RASAL2: variants seen among roughly 807,000 people sequenced by gnomAD.
RASAL2 encodes ras GTPase-activating protein nGAP.
RASAL2 carries 58 observed loss-of-function variants against 128.9 expected under a neutral mutation model. The observed-to-expected ratio is 0.45, with a 90% CI of 0.36 to 0.56. RASAL2 has a LOEUF of 0.56. Ranked by LOEUF, RASAL2 falls within the 20% of genes least tolerant of loss-of-function variation. The pLI, the probability that RASAL2 is intolerant of heterozygous loss-of-function variation, is 0.00. For synonymous variants in RASAL2, 561 were observed against 580.8 expected (o/e 0.97, Z 0.49); for missense variants, 1,360 against 1,601.6 (o/e 0.85, Z 2.57).
chr1:178,251,942 C>CT (rs1665073727), intron 1 of RASAL2, among the ~76,000 whole-genome samples: 1 of 152,102 alleles, frequency 6.6e-6, no homozygotes, highest in Non-Finnish European at 1.5e-5. Context: ...ATATAAGTCT[C>CT]TAAGTGTCAG....
chr1:178,168,887 A>G (rs1363786221), intron 1 of RASAL2, among the ~76,000 whole-genome samples: 1 of 152,042 alleles, frequency 6.6e-6, no homozygotes, highest in Non-Finnish European at 1.5e-5. Context: ...ATGTTTTTGA[A>G]CATATTTGAT....
intron 4 of RASAL2, among the ~76,000 whole-genome samples, chr1:178,394,634 G>A (rs188549313): frequency 1.4e-3 from 220 of 152,232 alleles, no homozygotes; most frequent in African/African-American, 5.2e-3. Flanking sequence ...GTCTAACTTG[G>A]CCTTTCATGT....
chr1:178,145,222 C>T (rs1234730101), intron 1 of RASAL2, among the ~76,000 whole-genome samples: 1 of 148,904 alleles, frequency 6.7e-6, no homozygotes, highest in African/African-American at 2.5e-5. Flanking sequence ...ATTCAAAAAA[C>T]AAATAGGCAT....
intron 1 of RASAL2, among the ~76,000 whole-genome samples, chr1:178,174,096 A>G (rs1458311581): frequency 1.3e-5 from 2 of 152,012 alleles, no homozygotes; most frequent in Admixed American, 6.6e-5. Flanking sequence ...TACTTATTCT[A>G]AAAAGTTTTC....
At position 178,457,948 on chromosome 1, in the gene RASAL2, A is replaced by G; in HGVS notation, c.2656A>G (p.Ser886Gly). ...GSQLSITQVASIKQLRETQST... is the reference protein window; with the variant it reads ...GSQLSITQVAGIKQLRETQST... ...CCAGCTTTCCATAACCCAGGTGGCC[A>G]GCATCAAACAGCTGCGGGAAACCCA... is the stretch of plus-strand genomic sequence containing the variant. The change falls in exon 14 of 18, where the codon AGC (serine) becomes GGC (glycine). Residue 886 changes from serine to glycine, a missense_variant. This residue lies in a region of RASAL2 where 741 missense variants were observed against 868.6 expected (regional missense o/e 0.85). Transcript: ENST00000367649. 2 of 1,614,102 alleles carry G rather than the reference A, an allele frequency of 1.2e-6. No individual in the cohort carries two copies. The highest frequency in any genetic ancestry group is 1.7e-6 in the Non-Finnish European group (2 of 1,180,020).
intron 1 of RASAL2, among the ~76,000 whole-genome samples, chr1:178,205,164 C>G (rs1011488190): frequency 6.6e-6 from 1 of 152,088 alleles, no homozygotes; most frequent in Non-Finnish European, 1.5e-5. Context: ...GCTTCCATGC[C>G]CAGCTAATTT....
At chr1:178,293,143 C>A (rs984871250) in intron 2 of RASAL2, among the ~76,000 whole-genome samples, 1 of 152,090 alleles carries the variant, frequency 6.6e-6, no homozygotes, top group Admixed American at 6.6e-5. Flanking sequence ...TTAGGAGTTA[C>A]AAAGCACAAG....
chr1:178,442,865 A>G lies in RASAL2; in HGVS notation c.1118A>G (p.His373Arg). Residue 373 changes from histidine (H) to arginine (R), a missense_variant, in exon 8 of 18, where the codon CAT becomes CGT. Coordinates refer to ENST00000367649, the MANE Select transcript of RASAL2 (RefSeq NM_170692.4). ...GAATTCTTCAGCCTTCCACCTCTTC[A>G]TAGTATCACAGTTCACATTTACAAG... is the stretch of plus-strand genomic sequence containing the variant. ...HFEFFSLPPL[H>R]SITVHIYKDV... The G allele has an allele frequency of 6.2e-7, 1 of 1,613,988 alleles. No homozygotes were observed.
intron 1 of RASAL2, among the ~76,000 whole-genome samples, chr1:178,107,925 A>G (rs1558056754): frequency 6.6e-6 from 1 of 152,132 alleles, no homozygotes; most frequent in Non-Finnish European, 1.5e-5. Flanking sequence ...GCTTTGGTAT[A>G]CAAATATCTG....
chr1:178,395,051 G>A (rs560416214), intron 4 of RASAL2, among the ~76,000 whole-genome samples: 5 of 152,252 alleles, frequency 3.3e-5, no homozygotes, highest in African/African-American at 1.2e-4. Flanking sequence ...GTTAAACAAA[G>A]AGATAGAAAG....
intron 3 of RASAL2, among the ~76,000 whole-genome samples, chr1:178,321,081 TTTTA>T (rs1288009553): frequency 1.3e-5 from 2 of 152,160 alleles, no homozygotes; most frequent in Non-Finnish European, 2.9e-5. Flanking sequence ...CACAATAATT[TTTTA>T]TTTATTTATT....
chr1:178,475,647 A>T lies in RASAL2; in HGVS notation c.*2408A>T, dbSNP rs2102982570. 1 of 152,340 alleles carries T rather than the reference A, an allele frequency of 6.6e-6. No individual in the cohort carries two copies. The highest frequency in any genetic ancestry group is 1.9e-4 in the East Asian group (1 of 5,188). The allele number at this position is 152,340 out of a possible 1,614,324, so 9.4% of individuals were successfully genotyped here. ...ATAAAATTACTTATATTGGGAATTG[A>T]GAGAAGCCCCAAAAAATCAAATGTG... is the stretch of plus-strand genomic sequence containing the variant. On this transcript the variant is annotated 3_prime_UTR_variant, in exon 18 of 18. Transcript: ENST00000367649.
At chr1:178,309,753 A>T (rs147991420) in intron 3 of RASAL2, among the ~76,000 whole-genome samples, 204 of 152,314 alleles carry the variant, frequency 1.3e-3, no homozygotes, top group African/African-American at 4.7e-3. Context: ...AAAAAGTGAT[A>T]AAACTAGGTT....
At chr1:178,141,167 A>G (rs1189654611) in intron 1 of RASAL2, among the ~76,000 whole-genome samples, 1 of 140,010 alleles carries the variant, frequency 7.1e-6, no homozygotes, top group East Asian at 2.2e-4. Context: ...CATCTCCAAC[A>G]CTGGAGACCA....
intron 1 of RASAL2, among the ~76,000 whole-genome samples, chr1:178,229,212 C>T (rs886174980): frequency 6.6e-6 from 1 of 152,144 alleles, no homozygotes; most frequent in Non-Finnish European, 1.5e-5. Flanking sequence ...CTTTCTCTTA[C>T]ATAACCATAG....
chr1:178,421,790 C>A (rs567185293), intron 5 of RASAL2, among the ~76,000 whole-genome samples: 1 of 151,934 alleles, frequency 6.6e-6, no homozygotes, highest in African/African-American at 2.4e-5. Flanking sequence ...GCTTTATTAG[C>A]CCTTCTTGAA....
intron 1 of RASAL2, among the ~76,000 whole-genome samples, chr1:178,257,383 C>A (rs1310193565): frequency 1.3e-5 from 2 of 150,732 alleles, no homozygotes; most frequent in Non-Finnish European, 2.9e-5. Context: ...GTAGTAGTAA[C>A]CAATCAAGAA....
chr1:178,152,666 AAAAAC>A lies in RASAL2; in HGVS notation c.202+57992_202+57996del, dbSNP rs202036426. Among the ~76,000 whole-genome samples, 396 of 152,296 alleles carry A rather than the reference AAAAAC, an allele frequency of 2.6e-3. 2 individuals carry two copies. The highest frequency in any genetic ancestry group is 9.1e-3 in the African/African-American group (377 of 41,568). On this transcript the variant is annotated intron_variant, in intron 1 of 17. Transcript: ENST00000367649. ...GCAACAGAGCTAGACTCTGTCTCAA[AAAAAC>A]AAAACAAAACAAAACAAAAAAGCCA...
chr1:178,162,891 T>G (rs1323291691), intron 1 of RASAL2, among the ~76,000 whole-genome samples: 1 of 151,276 alleles, frequency 6.6e-6, no homozygotes, highest in African/African-American at 2.4e-5. Flanking sequence ...TGAGATTTCT[T>G]TATATATACT....
Sources: gnomAD v4.1 joint callset for allele counts (sites outside exome capture counted in the v4.1 genomes callset) on GRCh38, gnomAD v4.1.1 for gene constraint, gnomAD v4.1.1 regional missense constraint, MANE v1.5 for transcripts, NCBI Gene and HGNC (gene_info 2026-07-23, HGNC 2026-07-21) for gene names.